RAPGEF6: variants seen among roughly 807,000 people sequenced by gnomAD.
RAPGEF6 encodes PDZ domain containing guanine nucleotide exchange factor (GEF) 2.
Under a neutral mutation model 171.4 loss-of-function variants are expected in RAPGEF6, and 56 were observed. The observed-to-expected ratio is 0.33, with a 90% CI of 0.26 to 0.41. The LOEUF is 0.41. Among genes scored for constraint, RAPGEF6 ranks in the 10% least tolerant of loss-of-function variants. The pLI is 1.00. For missense variants in RAPGEF6, 1,674 were observed against 1,921.4 expected, an observed-to-expected ratio of 0.87 and a Z score of 2.41; for synonymous variants, 692 against 650.1, an observed-to-expected ratio of 1.06 and a Z score of -0.98.
chr5:131,613,721 T>C (rs1176929824), intron 1 of RAPGEF6, among the ~76,000 whole-genome samples: 1 of 152,168 alleles, frequency 6.6e-6, no homozygotes, highest in Admixed American at 6.5e-5. Flanking sequence ...CAAGCATGAA[T>C]GAGCTCCTCT....
rs774525760 is a variant in RAPGEF6 at position 131,635,078 on chromosome 5, C to G, written c.-48G>C. ...AGCCTGCCCTTAGCAGCCCACGCCA[C>G]AGTTCATTCACACTAGGTAGCGGGT... On this transcript the variant is annotated 5_prime_UTR_variant, in exon 1 of 28. Coordinates refer to ENST00000509018, the MANE Select transcript of RAPGEF6 (RefSeq NM_016340.6). 1.3e-6 allele frequency: 2 copies of G among 1,551,244 alleles called. No homozygotes were observed. The highest frequency in any genetic ancestry group is 2.3e-5 in the South Asian group (2 of 85,596).
At chr5:131,611,497 C>A (rs182506514) in intron 1 of RAPGEF6, among the ~76,000 whole-genome samples, 1 of 152,198 alleles carries the variant, frequency 6.6e-6, no homozygotes, top group African/African-American at 2.4e-5. Flanking sequence ...TATGGTGAAA[C>A]CCCGTCTCTA....
intron 4 of RAPGEF6, among the ~76,000 whole-genome samples, chr5:131,581,629 C>A (rs533581623): frequency 7.9e-5 from 12 of 152,028 alleles, no homozygotes; most frequent in African/African-American, 2.4e-5. Context: ...CCCTCCATAC[C>A]GCCCCCAAAA....
At chr5:131,608,528 T>C (rs558339914) in intron 1 of RAPGEF6, among the ~76,000 whole-genome samples, 1 of 152,270 alleles carries the variant, frequency 6.6e-6, no homozygotes, top group South Asian at 2.1e-4. Context: ...GCAGTAGATA[T>C]GGGTCATGCC....
At chr5:131,581,148 A>G (rs1762935385) in intron 4 of RAPGEF6, among the ~76,000 whole-genome samples, 2 of 152,344 alleles carry the variant, frequency 1.3e-5, no homozygotes, top group African/African-American at 2.4e-5. Context: ...CTTTAGCCGC[A>G]GCTGTCCTCT....
chr5:131,604,790 T>C (rs1471822810), intron 1 of RAPGEF6, 97 bp from the exon 2 acceptor site: 21 of 1,384,778 alleles, frequency 1.5e-5, no homozygotes, highest in East Asian at 1.0e-4. Context: ...CAACCACTTA[T>C]GGCAAAGCAG....
chr5:131,514,136 T>C (rs1757924060), intron 7 of RAPGEF6, among the ~76,000 whole-genome samples: 1 of 152,188 alleles, frequency 6.6e-6, no homozygotes, highest in Non-Finnish European at 1.5e-5. Flanking sequence ...TACATTAAAC[T>C]ATTAAAATAT....
At chr5:131,496,607 A>G (rs1212324620) in intron 12 of RAPGEF6, among the ~76,000 whole-genome samples, 1 of 152,192 alleles carries the variant, frequency 6.6e-6, no homozygotes, top group East Asian at 1.9e-4. Context: ...AGAATCATAC[A>G]ATACCTAGCC....
chr5:131,435,674 G>A lies in RAPGEF6; in HGVS notation c.3746-2016C>T, dbSNP rs142569308. The A allele has an allele frequency of 2.9e-4, 99 of 345,764 alleles. No individual in the cohort carries two copies. The East Asian group carries it at 6.0e-3, about 21-fold the overall frequency. The allele number at this position is 345,764 out of a possible 1,614,324, so 21.4% of individuals were successfully genotyped here. ...TCCCTTCTCCCCCAATCAAAGATAC[G>A]TAAAAAGTAGAAGATAAAAAAGCCT... On this transcript the variant is annotated intron_variant, in intron 24 of 27. Transcript: ENST00000509018.
chr5:131,507,213 AACTT>A (rs1169637569), intron 9 of RAPGEF6, among the ~76,000 whole-genome samples: 5 of 148,144 alleles, frequency 3.4e-5, no homozygotes, highest in African/African-American at 7.4e-5. Flanking sequence ...AATTATATAT[AACTT>A]ACTTATAGAT....
chr5:131,589,236 T>G (rs377051731), intron 4 of RAPGEF6, among the ~76,000 whole-genome samples: 9 of 152,324 alleles, frequency 5.9e-5, no homozygotes, highest in African/African-American at 2.2e-4. Flanking sequence ...GACAGAGATA[T>G]GAACTATAGC....
intron 1 of RAPGEF6, among the ~76,000 whole-genome samples, chr5:131,605,787 T>C (rs1482170272): frequency 6.6e-6 from 1 of 150,722 alleles, no homozygotes; most frequent in Non-Finnish European, 1.5e-5. Flanking sequence ...TCCCAACACT[T>C]TGGGAGGTCG....
intron 1 of RAPGEF6, among the ~76,000 whole-genome samples, chr5:131,611,668 G>A (rs1417232173): frequency 6.6e-6 from 1 of 152,112 alleles, no homozygotes; most frequent in Non-Finnish European, 1.5e-5. Flanking sequence ...TGAGATTCTT[G>A]TCTCAAAAAG....
intron 12 of RAPGEF6, among the ~76,000 whole-genome samples, chr5:131,498,058 A>C (rs1756749175): frequency 6.6e-6 from 1 of 152,252 alleles, no homozygotes; most frequent in South Asian, 2.1e-4. Context: ...GCTTAAAAGC[A>C]ATCTGCCCTC....
chr5:131,508,031 G>A, intron 9 of RAPGEF6, 40 bp downstream of exon 9: 1 of 1,451,616 alleles, frequency 6.9e-7, no homozygotes, highest in Non-Finnish European at 9.3e-7. Context: ...TTAAAAGTTA[G>A]TATCCATAAT....
intron 11 of RAPGEF6, among the ~76,000 whole-genome samples, chr5:131,499,810 T>C (rs1485754745): frequency 6.6e-6 from 1 of 152,170 alleles, no homozygotes; most frequent in African/African-American, 2.4e-5. Flanking sequence ...AATAACTGTG[T>C]GGTAAACATA....
chr5:131,492,813 A>G (rs762618284), intron 13 of RAPGEF6, 28 bp from the exon 14 acceptor site: 2 of 1,573,314 alleles, frequency 1.3e-6, no homozygotes, highest in Non-Finnish European at 1.7e-6. Flanking sequence ...ATAAATGTAT[A>G]TAAATGTATC....
chr5:131,504,394 G>A (rs527411613), intron 11 of RAPGEF6, among the ~76,000 whole-genome samples: 2 of 152,016 alleles, frequency 1.3e-5, no homozygotes, highest in African/African-American at 4.8e-5. Context: ...CCTGGGAGGC[G>A]GAGGTTGCAG....
At chr5:131,528,202 ATT>A (rs1759063000) in intron 6 of RAPGEF6, among the ~76,000 whole-genome samples, 2 of 126,418 alleles carry the variant, frequency 1.6e-5, no homozygotes. Flanking sequence ...AATTATATAT[ATT>A]ATATATAAAT....
Sources: allele counts gnomAD v4.1 joint callset (sites outside exome capture counted in the v4.1 genomes callset), GRCh38; gene constraint gnomAD v4.1.1; transcripts MANE v1.5; gene names NCBI Gene and HGNC (gene_info 2026-07-23, HGNC 2026-07-21).